SLC22A23: variants seen among roughly 807,000 people sequenced by gnomAD.
SLC22A23 encodes the protein ion transporter protein.
In SLC22A23, 26 loss-of-function variants were observed where a neutral mutation model predicts 61.0. That is an observed-to-expected ratio of 0.43 (90% confidence interval 0.31 to 0.59). SLC22A23 has a LOEUF of 0.59. Among genes scored for constraint, SLC22A23 ranks in the 20% least tolerant of loss-of-function variants. The pLI is 0.11. For missense variants in SLC22A23, 796 were observed against 934.7 expected (o/e 0.85, Z 1.94); for synonymous variants, 430 against 413.9 (o/e 1.04, Z -0.47).
intron 3 of SLC22A23, among the ~76,000 whole-genome samples, chr6:3,404,823 C>T (rs1768684220): frequency 6.6e-6 from 1 of 152,132 alleles, no homozygotes; most frequent in Non-Finnish European, 1.5e-5. Flanking sequence ...TACTCCTTTG[C>T]TTTTCGCAGT....
chr6:3,301,960 G>T (rs759862523), intron 4 of SLC22A23, among the ~76,000 whole-genome samples: 1 of 152,220 alleles, frequency 6.6e-6, no homozygotes, highest in Non-Finnish European at 1.5e-5. Context: ...TGTAAAACGA[G>T]TTGGAAGAAT....
chr6:3,366,127 G>A (rs891528154), intron 3 of SLC22A23, among the ~76,000 whole-genome samples: 1 of 151,852 alleles, frequency 6.6e-6, no homozygotes, highest in Non-Finnish European at 1.5e-5. Context: ...TCAGGAGATC[G>A]AGACCACCCT....
At chr6:3,296,894 CT>C (rs1208604452) in intron 5 of SLC22A23, among the ~76,000 whole-genome samples, 1 of 152,218 alleles carries the variant, frequency 6.6e-6, no homozygotes, top group African/African-American at 2.4e-5. Context: ...GTACCAAGGG[CT>C]TCTCTGATTT....
intron 3 of SLC22A23, among the ~76,000 whole-genome samples, chr6:3,397,654 A>T (rs928309258): frequency 3.3e-5 from 5 of 152,208 alleles, no homozygotes; most frequent in Non-Finnish European, 7.3e-5. Flanking sequence ...GCTTATTATC[A>T]TCCATTGTTG....
In SLC22A23 at chr6:3,322,664, G is replaced by A. The variant is rs56285929; in HGVS notation, c.1082+1170C>T. 0.019 allele frequency among the ~76,000 whole-genome samples: 2,898 copies of A among 152,230 alleles called. 100 individuals are homozygous for A. The highest frequency in any genetic ancestry group is 0.067 in the African/African-American group (2,778 of 41,510). ...CACAGTGAGCAAGAACCAGGCTCTC[G>A]GGGAAACCGCACCTGCACCCTCGCA... On this transcript the variant is annotated intron_variant, in intron 4 of 9. Coordinates refer to ENST00000406686, the MANE Select transcript of SLC22A23 (RefSeq NM_015482.2). The surrounding 1 kb of genome is among the most constrained non-coding windows in gnomAD (Gnocchi z 4.1).
chr6:3,332,642 T>C (rs1763641610), intron 3 of SLC22A23, among the ~76,000 whole-genome samples: 1 of 152,226 alleles, frequency 6.6e-6, no homozygotes, highest in Admixed American at 6.5e-5. Flanking sequence ...CATTCTACTT[T>C]TAAATACAAA....
intron 3 of SLC22A23, among the ~76,000 whole-genome samples, chr6:3,336,283 C>T (rs1450774421): frequency 6.6e-6 from 1 of 152,190 alleles, no homozygotes; most frequent in Non-Finnish European, 1.5e-5. Flanking sequence ...GAGACAGCAC[C>T]TCCATGCCAC....
At chr6:3,397,768 G>A (rs1768105644) in intron 3 of SLC22A23, among the ~76,000 whole-genome samples, 1 of 152,170 alleles carries the variant, frequency 6.6e-6, no homozygotes, top group Non-Finnish European at 1.5e-5. Context: ...ATGCTGAGGT[G>A]TGCCAAAAGG....
At chr6:3,363,620 G>A (rs1235177415) in intron 3 of SLC22A23, among the ~76,000 whole-genome samples, 2 of 152,264 alleles carry the variant, frequency 1.3e-5, no homozygotes. Flanking sequence ...GGCACCTTCA[G>A]CACTAAGGTG....
chr6:3,407,908 A>G (rs1453475992), intron 3 of SLC22A23, among the ~76,000 whole-genome samples: 2 of 152,254 alleles, frequency 1.3e-5, no homozygotes, highest in Non-Finnish European at 2.9e-5. Flanking sequence ...GGAAGTTAAG[A>G]TGAAACTAGG....
intron 3 of SLC22A23, among the ~76,000 whole-genome samples, chr6:3,347,371 G>A (rs1228897545): frequency 1.3e-5 from 2 of 152,136 alleles, no homozygotes; most frequent in Admixed American, 1.3e-4. Context: ...AGAAGACTCT[G>A]GTGAGTGTTG....
intron 1 of SLC22A23, among the ~76,000 whole-genome samples, chr6:3,429,276 A>C (rs757569430): frequency 5.3e-5 from 8 of 152,216 alleles, no homozygotes; most frequent in Non-Finnish European, 1.0e-4. Flanking sequence ...AGAAAATAAA[A>C]ATAACTATTT....
At chr6:3,416,279 A>G (rs1769698281) in intron 1 of SLC22A23, among the ~76,000 whole-genome samples, 1 of 152,278 alleles carries the variant, frequency 6.6e-6, no homozygotes, top group Non-Finnish European at 1.5e-5. Context: ...CATCGTGATG[A>G]CATGAGGAGG....
At chr6:3,411,566 T>TC (rs1345938625) in intron 2 of SLC22A23, among the ~76,000 whole-genome samples, 1 of 152,126 alleles carries the variant, frequency 6.6e-6, no homozygotes. Context: ...ATACTAAAAC[T>TC]CATTCCATTG....
At chr6:3,422,419 C>T (rs1297294263) in intron 1 of SLC22A23, among the ~76,000 whole-genome samples, 1 of 152,126 alleles carries the variant, frequency 6.6e-6, no homozygotes, top group Admixed American at 6.5e-5. Flanking sequence ...ACATTAGCTA[C>T]GATTAGTTTC....
At position 3,456,143 on chromosome 6, in the gene SLC22A23, C is replaced by G; in HGVS notation, c.417G>C (p.Gly139=). The change falls in exon 1 of 10, where the codon GGG becomes GGC. Residue 139 remains glycine (G), a synonymous_variant. Transcript: ENST00000406686. The surrounding 1 kb of genome is among the most constrained non-coding windows in gnomAD (Gnocchi z 7.1). ...CCCCGCCCCGGCCTGTGGTGGTGAC[C>G]CCTGCCAGCTCGGTGCCTTTGCCGG... The part of the protein sequence containing the change: ...RGAGKGTELA[G]VTTTGRGGDM... 1.3e-6 allele frequency: 2 copies of G among 1,551,168 alleles called. No homozygotes were observed.
chr6:3,362,970 C>G (rs1765575219), intron 3 of SLC22A23, among the ~76,000 whole-genome samples: 2 of 152,170 alleles, frequency 1.3e-5, no homozygotes, highest in South Asian at 4.2e-4. Context: ...AACCTTTAAA[C>G]TCTGGACTGC....
At chr6:3,310,014 A>G (rs1762258421) in intron 4 of SLC22A23, among the ~76,000 whole-genome samples, 1 of 152,214 alleles carries the variant, frequency 6.6e-6, no homozygotes, top group Non-Finnish European at 1.5e-5. Context: ...GTATTCTACA[A>G]AGAGTCCCAC....
In SLC22A23 at chr6:3,308,293, A is replaced by G. The variant is rs973432024; in HGVS notation, c.1083-10075T>C. On this transcript the variant is annotated intron_variant, in intron 4 of 9. Transcript: ENST00000406686. This position sits in a 1 kb window ranked among gnomAD's most constrained non-coding sequence, Gnocchi z 5.1. ...CCCTGCACTCACCCTCCCGTCCTCC[A>G]GGGCTAAGCCCTCCCTGGGTGGGCA... Among the ~76,000 whole-genome samples, 1 of 152,152 alleles carries G rather than the reference A, an allele frequency of 6.6e-6. No homozygotes were observed. Among genetic ancestry groups the G allele is most frequent in the African/African-American group, 2.4e-5 (1 of 41,446 alleles).
Sources: gnomAD v4.1 joint callset for allele counts (sites outside exome capture counted in the v4.1 genomes callset) on GRCh38, gnomAD v4.1.1 for gene constraint, Gnocchi (gnomAD v3.1) non-coding constraint, MANE v1.5 for transcripts, NCBI Gene and HGNC (gene_info 2026-07-23, HGNC 2026-07-21) for gene names.